The following LNPK variants were observed in gnomAD, a reference collection of about 807,000 sequenced individuals.
LNPK encodes lunapark, ER junction formation factor.
A neutral mutation model predicts 55.2 loss-of-function variants in LNPK; 29 were observed. The observed-to-expected ratio is 0.53, with a 90% CI of 0.39 to 0.72. The LOEUF is 0.72. Among genes scored for constraint, LNPK ranks in the 30% least tolerant of loss-of-function variants. The probability of loss-of-function intolerance (pLI) is 0.00; values close to 1 mark genes in which losing one functional copy is unlikely to be tolerated. For missense variants in LNPK, 467 were observed against 494.8 expected, an observed-to-expected ratio of 0.94 and a Z score of 0.53; for synonymous variants, 162 against 168.2, an observed-to-expected ratio of 0.96 and a Z score of 0.29.
chr2:175,949,447 T>C (rs1685298850), intron 8 of LNPK, among the ~76,000 whole-genome samples: 2 of 152,216 alleles, frequency 1.3e-5, no homozygotes, highest in South Asian at 4.1e-4. Flanking sequence ...CTGTAAATCA[T>C]TTTTCAGCCA....
chr2:175,962,648 G>A (rs1306626753), intron 8 of LNPK, among the ~76,000 whole-genome samples: 1 of 152,100 alleles, frequency 6.6e-6, no homozygotes, highest in African/African-American at 2.4e-5. Flanking sequence ...GCATGGGCAA[G>A]GACTTCATGT....
At chr2:175,945,380 C>T (rs1469231869) in intron 9 of LNPK, among the ~76,000 whole-genome samples, 1 of 151,536 alleles carries the variant, frequency 6.6e-6, no homozygotes, top group Non-Finnish European at 1.5e-5. Context: ...TGGTGCCCAC[C>T]TGTAATCCCA....
intron 1 of LNPK, among the ~76,000 whole-genome samples, chr2:175,999,771 C>G (rs998801125): frequency 2.0e-5 from 3 of 152,068 alleles, no homozygotes; most frequent in Non-Finnish European, 4.4e-5. Context: ...GTGTGTTTTT[C>G]TTTTTGTTGA....
chr2:175,944,888 AG>A (rs1318036540), intron 9 of LNPK, among the ~76,000 whole-genome samples: 2 of 152,102 alleles, frequency 1.3e-5, no homozygotes, highest in Non-Finnish European at 2.9e-5. Context: ...AGTAAATAAA[AG>A]TTAGGTTCTA....
At chr2:175,932,582 T>A (rs1040533577) in intron 12 of LNPK, among the ~76,000 whole-genome samples, 1 of 152,168 alleles carries the variant, frequency 6.6e-6, no homozygotes, top group Non-Finnish European at 1.5e-5. Context: ...ACATGACATC[T>A]ACAATGTAGA....
At chr2:175,954,360 G>A (rs141753655) in intron 8 of LNPK, among the ~76,000 whole-genome samples, 166 of 152,156 alleles carry the variant, frequency 1.1e-3, no homozygotes, top group African/African-American at 3.5e-3. Flanking sequence ...TCTCAAAAAC[G>A]TCCCCATCTT....
At chr2:175,994,914 A>ATTTTTTTTTTTTTTTTTTTT in intron 2 of LNPK, among the ~76,000 whole-genome samples, 2 of 88,494 alleles carry the variant, frequency 2.3e-5, no homozygotes, top group African/African-American at 4.3e-5. Flanking sequence ...CTTGTATAGA[A>ATTTTTTTTTTTTTTTTTTTT]TTTTTTTTTT....
intron 4 of LNPK, among the ~76,000 whole-genome samples, chr2:175,990,594 A>AC (rs1574899210): frequency 6.6e-6 from 1 of 152,230 alleles, no homozygotes; most frequent in East Asian, 1.9e-4. Context: ...ACAAAAGGCA[A>AC]AAACTCACAT....
At chr2:175,958,399 G>T (rs1275017317) in intron 8 of LNPK, among the ~76,000 whole-genome samples, 1 of 152,208 alleles carries the variant, frequency 6.6e-6, no homozygotes, top group East Asian at 1.9e-4. Flanking sequence ...CTGCTCTGCA[G>T]CCTCCTCTGG....
chr2:175,985,860 C>T (rs1687383301), intron 4 of LNPK, among the ~76,000 whole-genome samples: 1 of 152,154 alleles, frequency 6.6e-6, no homozygotes, highest in Admixed American at 6.5e-5. Flanking sequence ...CAATTGACCA[C>T]AGTTAACTGA....
rs989981564 is a variant in LNPK, at chr2:175,926,130, T to C, written c.*3837A>G. On this transcript the variant is annotated 3_prime_UTR_variant, in exon 13 of 13. Coordinates refer to ENST00000272748, the MANE Select transcript of LNPK (RefSeq NM_030650.3). The stretch of plus-strand genomic sequence containing the variant: ...CAACAGAAATTAAGAGTAAATCCTC[T>C]GAAGTCATTTGCCTATATTCAAATC... 1 of 152,242 alleles carries C rather than the reference T, an allele frequency of 6.6e-6. No individual in the cohort carries two copies. Among genetic ancestry groups the C allele is most frequent in the Non-Finnish European group, 1.5e-5 (1 of 68,044 alleles). 9.4% of individuals were successfully genotyped at this position (152,242 alleles called of 1,614,324 possible).
intron 12 of LNPK, chr2:175,932,145 G>C (rs1236560252): frequency 2.2e-6 from 1 of 454,738 alleles, no homozygotes; most frequent in East Asian, 7.0e-5. Flanking sequence ...CTGTCTGACA[G>C]ACTGCCTCAA....
chr2:175,961,779 G>A (rs1686042602), intron 8 of LNPK, among the ~76,000 whole-genome samples: 1 of 152,120 alleles, frequency 6.6e-6, no homozygotes, highest in Non-Finnish European at 1.5e-5. Context: ...TTTTGCAGAT[G>A]ACATGCTTGT....
chr2:175,967,879 C>T (rs1686448965), intron 6 of LNPK: 1 of 468,162 alleles, frequency 2.1e-6, no homozygotes, highest in African/African-American at 2.1e-5. Context: ...TTTTAAGCCG[C>T]TATAAGGTTA....
chr2:175,971,305 GA>G (rs1408403604), intron 5 of LNPK, among the ~76,000 whole-genome samples: 4 of 151,942 alleles, frequency 2.6e-5, no homozygotes, highest in Non-Finnish European at 5.9e-5. Flanking sequence ...AAGGGACATG[GA>G]AAAAAATACT....
chr2:175,999,115 T>C (rs1688068216), intron 1 of LNPK, among the ~76,000 whole-genome samples: 1 of 152,250 alleles, frequency 6.6e-6, no homozygotes, highest in African/African-American at 2.4e-5. Context: ...TCAGCAATTT[T>C]TCTATCAAAT....
chr2:175,936,945 T>C (rs1684574780), intron 12 of LNPK, among the ~76,000 whole-genome samples: 1 of 152,210 alleles, frequency 6.6e-6, no homozygotes, highest in African/African-American at 2.4e-5. Context: ...GTGTGGTAGA[T>C]ACAAACCTAT....
At chr2:175,989,734 A>C (rs1687604730) in intron 4 of LNPK, among the ~76,000 whole-genome samples, 1 of 152,198 alleles carries the variant, frequency 6.6e-6, no homozygotes, top group Non-Finnish European at 1.5e-5. Flanking sequence ...AGTTTCAGTA[A>C]TAGTTGAAAA....
rs200775034 is a variant in LNPK at position 175,947,564 on chromosome 2, G to C, written c.622C>G (p.Pro208Ala). ...AGGGCTGGAGTAACAGTCCTTTCTG[G>C]GGGTCCACCAGGGGCAGAACTGTCC... is the stretch of plus-strand genomic sequence containing the variant. The part of the protein sequence containing the change: ...PKDSSAPGGP[P>A]ERTVTPALSS... The change falls in exon 9 of 13, where the codon CCA (proline) becomes GCA (alanine). Residue 208 changes from proline (P) to alanine (A), a missense_variant. Coordinates refer to ENST00000272748, the MANE Select transcript of LNPK (RefSeq NM_030650.3). 1.2e-4 allele frequency: 201 copies of C among 1,613,872 alleles called. 1 individual carries two copies. The highest frequency in any genetic ancestry group is 3.0e-5 in the Non-Finnish European group (35 of 1,179,954).
Sources: gnomAD v4.1 joint callset for allele counts (sites outside exome capture counted in the v4.1 genomes callset) on GRCh38, gnomAD v4.1.1 for gene constraint, MANE v1.5 for transcripts, NCBI Gene and HGNC (gene_info 2026-07-23, HGNC 2026-07-21) for gene names.